The following TNS3 variants were observed in gnomAD, a reference collection of about 807,000 sequenced individuals.
TNS3 encodes the protein tensin 3, also known as tensin-3.
In TNS3, 45 loss-of-function variants were observed where a neutral mutation model predicts 140.9. The observed-to-expected ratio is 0.32, with a 90% CI of 0.25 to 0.41. The LOEUF (loss-of-function observed/expected upper bound fraction) is 0.41, where lower values mean the gene tolerates loss of function less well. Among genes scored for constraint, TNS3 ranks in the 10% least tolerant of loss-of-function variants. TNS3 has a pLI of 1.00. For missense variants in TNS3, 1,716 were observed against 1,906.7 expected (o/e 0.90, Z 1.86); for synonymous variants, 815 against 788.4 (o/e 1.03, Z -0.56).
chr7:47,313,596 T>A (rs1476408230), intron 20 of TNS3, among the ~76,000 whole-genome samples: 1 of 152,370 alleles, frequency 6.6e-6, no homozygotes, highest in African/African-American at 2.4e-5. Flanking sequence ...CCTGTTTCTA[T>A]GACTGACATT....
At position 47,275,420 on chromosome 7, in the gene TNS3, A is replaced by G. The variant is rs1784830673; in HGVS notation, c.*2656T>C. The stretch of plus-strand genomic sequence containing the variant: ...TACGTTCTTTTACTGAGTAGTTAGT[A>G]GGACCCTGGCTATAACATGCGTTGG... On this transcript the variant is annotated 3_prime_UTR_variant, in exon 31 of 31. Coordinates refer to ENST00000311160, the MANE Select transcript of TNS3 (RefSeq NM_022748.12). 1 of 161,590 alleles carries G rather than the reference A, an allele frequency of 6.2e-6. No homozygotes were observed. The highest frequency in any genetic ancestry group is 6.3e-5 in the Admixed American group (1 of 15,994). The allele number at this position is 161,590 out of a possible 1,614,324, so 10.0% of individuals were successfully genotyped here.
chr7:47,354,365 C>G (rs921694144), intron 17 of TNS3, among the ~76,000 whole-genome samples: 1 of 152,108 alleles, frequency 6.6e-6, no homozygotes, highest in Non-Finnish European at 1.5e-5. Flanking sequence ...CCCAGCTCCC[C>G]AACGTACCCC....
At chr7:47,552,563 T>C (rs1399276245) in intron 1 of TNS3, among the ~76,000 whole-genome samples, 1 of 152,190 alleles carries the variant, frequency 6.6e-6, no homozygotes, top group Non-Finnish European at 1.5e-5. Flanking sequence ...TCTTTCATGG[T>C]TATTTGTGAT....
intron 1 of TNS3, among the ~76,000 whole-genome samples, chr7:47,559,008 A>C (rs7807054): frequency 0.6 from 91,041 of 152,156 alleles, 27,502 homozygotes; most frequent in Middle Eastern, 0.65. Context: ...ACGCCCGTGT[A>C]TATAGACCTC....
intron 4 of TNS3, among the ~76,000 whole-genome samples, chr7:47,476,360 C>T (rs1051516207): frequency 2.0e-5 from 3 of 152,152 alleles, no homozygotes; most frequent in African/African-American, 7.2e-5. Context: ...ACTGCGTGTA[C>T]ACATACACGT....
At chr7:47,420,017 CCT>C (rs1234570452) in intron 10 of TNS3, among the ~76,000 whole-genome samples, 1 of 152,172 alleles carries the variant, frequency 6.6e-6, no homozygotes, top group African/African-American at 2.4e-5. Flanking sequence ...CTGCAATTCC[CCT>C]GTCTTGGTAA....
At chr7:47,382,498 G>A (rs552469712) in intron 16 of TNS3, among the ~76,000 whole-genome samples, 4 of 152,316 alleles carry the variant, frequency 2.6e-5, no homozygotes, top group South Asian at 4.1e-4. Context: ...TTGAAACAAC[G>A]TGGTCTTTTG....
At chr7:47,558,092 G>C (rs1800243310) in intron 1 of TNS3, among the ~76,000 whole-genome samples, 1 of 152,110 alleles carries the variant, frequency 6.6e-6, no homozygotes, top group African/African-American at 2.4e-5. Flanking sequence ...GCCCTCCACT[G>C]TCCACCCCCA....
intron 20 of TNS3, among the ~76,000 whole-genome samples, chr7:47,331,982 C>T (rs2150921211): frequency 6.6e-6 from 1 of 152,290 alleles, no homozygotes; most frequent in African/African-American, 2.4e-5. Flanking sequence ...AGGCCCGGGC[C>T]AGTAACAAAT....
intron 21 of TNS3, among the ~76,000 whole-genome samples, 161 bp from the exon 22 acceptor site, chr7:47,303,745 C>T (rs1262185915): frequency 6.6e-6 from 1 of 152,198 alleles, no homozygotes; most frequent in Non-Finnish European, 1.5e-5. Flanking sequence ...CACTAAGGCC[C>T]TCTCTGAGCT....
intron 2 of TNS3, among the ~76,000 whole-genome samples, chr7:47,524,441 A>C (rs1490539736): frequency 6.6e-6 from 1 of 152,190 alleles, no homozygotes; most frequent in African/African-American, 2.4e-5. Context: ...GGGACACAGC[A>C]GGAGCAGGTG....
At chr7:47,479,994 G>A (rs1185162846) in intron 4 of TNS3, among the ~76,000 whole-genome samples, 1 of 152,230 alleles carries the variant, frequency 6.6e-6, no homozygotes, top group Non-Finnish European at 1.5e-5. Flanking sequence ...TGGGCAGGGG[G>A]CAAGGGCAAG....
chr7:47,401,000 A>T, intron 13 of TNS3, 86 bp from the exon 14 acceptor site: 1 of 1,562,802 alleles, frequency 6.4e-7, no homozygotes, highest in Admixed American at 1.7e-5. Context: ...GGAGGCCGGC[A>T]CAGCAGGGCC....
intron 10 of TNS3, among the ~76,000 whole-genome samples, chr7:47,423,739 C>T (rs571014508): frequency 1.3e-5 from 2 of 152,316 alleles, no homozygotes; most frequent in South Asian, 2.1e-4. Flanking sequence ...CTCTCTAGTC[C>T]GTTGCAGAGA....
At chr7:47,371,508 C>T (rs1225816086) in intron 16 of TNS3, among the ~76,000 whole-genome samples, 7 of 152,288 alleles carry the variant, frequency 4.6e-5, no homozygotes, top group African/African-American at 1.4e-4. Flanking sequence ...CAGAGAGCAC[C>T]AGGAGGGCAC....
At chr7:47,354,034 A>ACACAC (rs1562627682) in intron 17 of TNS3, among the ~76,000 whole-genome samples, 136 of 126,734 alleles carry the variant, frequency 1.1e-3, no homozygotes, top group African/African-American at 3.8e-3. Flanking sequence ...CACACACACA[A>ACACAC]ATTCCAAGGT....
At chr7:47,329,157 T>C (rs1459072271) in intron 20 of TNS3, among the ~76,000 whole-genome samples, 1 of 152,194 alleles carries the variant, frequency 6.6e-6, no homozygotes, top group Non-Finnish European at 1.5e-5. Flanking sequence ...GGGCCTGTCA[T>C]GTGTCTGGGC....
chr7:47,564,470 T>A (rs752575721), intron 1 of TNS3, among the ~76,000 whole-genome samples: 3 of 151,472 alleles, frequency 2.0e-5, no homozygotes, highest in Non-Finnish European at 1.5e-5. Flanking sequence ...ATCCCATCTC[T>A]ACTAAAAATA....
chr7:47,458,211 G>A lies in TNS3; in HGVS notation c.-75-16156C>T, dbSNP rs1025761229. Among the ~76,000 whole-genome samples the A allele has an allele frequency of 5.9e-5, 9 of 152,254 alleles. No homozygotes were observed. The South Asian group carries it at 6.2e-4, about 11-fold the overall frequency. On this transcript the variant is annotated intron_variant, in intron 4 of 30. Transcript: ENST00000311160. ...CATCTGGTTAGTCAGCTGAGGCCAC[G>A]TCTGCCCAGGATGAGTGCTCTAGGC...
Sources: allele counts gnomAD v4.1 joint callset (sites outside exome capture counted in the v4.1 genomes callset), GRCh38; gene constraint gnomAD v4.1.1; transcripts MANE v1.5; gene names NCBI Gene and HGNC (gene_info 2026-07-23, HGNC 2026-07-21).